The following TMPRSS5 variants were observed in gnomAD, a reference collection of about 807,000 sequenced individuals.
TMPRSS5 encodes the protein transmembrane protease serine 5.
TMPRSS5 carries 45 observed loss-of-function variants against 59.7 expected under a neutral mutation model. That is an observed-to-expected ratio of 0.75 (90% CI 0.59 to 0.97). The LOEUF (loss-of-function observed/expected upper bound fraction) is 0.97. TMPRSS5 is among the 50% of genes least tolerant of loss of function. The pLI is 0.00. For synonymous variants in TMPRSS5, 225 were observed against 232.0 expected, an observed-to-expected ratio of 0.97 and a Z score of 0.27; for missense variants, 585 against 596.7, an observed-to-expected ratio of 0.98 and a Z score of 0.20.
At chr11:113,692,440 CTG>C (rs761734611) in intron 9 of TMPRSS5, among the ~76,000 whole-genome samples, 1 of 152,124 alleles carries the variant, frequency 6.6e-6, no homozygotes, top group Admixed American at 6.5e-5. Context: ...GTGCACATGA[CTG>C]TGTGAGTGCA....
At chr11:113,701,488 GC>G (rs993988790) in intron 1 of TMPRSS5, among the ~76,000 whole-genome samples, 1 of 125,756 alleles carries the variant, frequency 8.0e-6, no homozygotes, top group African/African-American at 3.0e-5. Flanking sequence ...TTTTTTTTTG[GC>G]GGGGGGGGGT....
intron 6 of TMPRSS5, among the ~76,000 whole-genome samples, chr11:113,695,715 C>T (rs1278217212): frequency 3.3e-5 from 5 of 152,172 alleles, no homozygotes; most frequent in Admixed American, 2.6e-4. Flanking sequence ...TGCAGATCAA[C>T]TGGGACATAG....
intron 9 of TMPRSS5, among the ~76,000 whole-genome samples, chr11:113,691,589 T>C (rs930998665): frequency 2.6e-5 from 4 of 152,176 alleles, no homozygotes; most frequent in Non-Finnish European, 5.9e-5. Context: ...TTAGGATCTA[T>C]TTATTATAAG....
In TMPRSS5 at chr11:113,691,892, C is replaced by CTTTTTTTTTTTTTTT. The variant is rs58784708; in HGVS notation, c.965-954_965-953insAAAAAAAAAAAAAAA. 4.8e-4 allele frequency among the ~76,000 whole-genome samples: 58 copies of CTTTTTTTTTTTTTTT among 121,092 alleles called. 11 individuals are homozygous for CTTTTTTTTTTTTTTT. Among genetic ancestry groups the CTTTTTTTTTTTTTTT allele is most frequent in the African/African-American group, 1.0e-3 (28 of 27,488 alleles). The allele number at this position is 121,092 out of a possible 152,430, so 79.4% of individuals were successfully genotyped here. A position where few individuals can be genotyped will look rare whatever the true frequency, so the allele number is the denominator to read the frequency against. ...AGAAAGTTTTCTTTTCCTTTTTTTTCTTTTTTTTTTTTTGAGACGGAGTCT... is the reference window on the plus strand; with the variant it reads ...AGAAAGTTTTCTTTTCCTTTTTTTTCTTTTTTTTTTTTTTTTTTTTTTTTTTTTGAGACGGAGTCT... On this transcript the variant is annotated intron_variant, in intron 9 of 12. Transcript: ENST00000299882.
chr11:113,693,207 C>T lies in TMPRSS5; in HGVS notation c.828G>A (p.Gly276=), dbSNP rs1365297997. The T allele has an allele frequency of 1.3e-6, 2 of 1,591,936 alleles. No individual in the cohort carries two copies. Among genetic ancestry groups the T allele is most frequent in the Non-Finnish European group, 1.7e-6 (2 of 1,168,264 alleles). ...GCCTGACGGCACTGTGGCTGACCAGCCCCGCATGAACCCGCCAGCTGGACA... is the reference window on the plus strand; with the variant it reads ...GCCTGACGGCACTGTGGCTGACCAGTCCCGCATGAACCCGCCAGCTGGACA... ...ARLSSWRVHA[G]LVSHSAVRPH... is the part of the protein sequence containing the mutation. Residue 276 remains glycine (G), a synonymous_variant, in exon 9 of 13, where the codon GGG becomes GGA. Transcript: ENST00000299882.
chr11:113,695,986 C>T (rs551035968), intron 6 of TMPRSS5, among the ~76,000 whole-genome samples: 1 of 152,234 alleles, frequency 6.6e-6, no homozygotes, highest in Non-Finnish European at 1.5e-5. Flanking sequence ...TTTCTTTACT[C>T]ACCTCTTGCC....
At chr11:113,702,829 T>C (rs1953180780) in intron 1 of TMPRSS5, among the ~76,000 whole-genome samples, 1 of 152,210 alleles carries the variant, frequency 6.6e-6, no homozygotes, top group Non-Finnish European at 1.5e-5. Context: ...CTTGTGGTGT[T>C]GAGCCTGCGG....
At position 113,689,810 on chromosome 11, in the gene TMPRSS5, G is replaced by A. The variant is rs370590036; in HGVS notation, c.1314C>T (p.Tyr438=). The A allele has an allele frequency of 2.8e-4, 456 of 1,606,860 alleles. No individual in the cohort carries two copies. Among genetic ancestry groups the A allele is most frequent in the Admixed American group, 3.4e-4 (20 of 59,176 alleles). ...GCAEPNHPGV[Y]AKVAEFLDWI... Reference sequence around the variant, plus strand: ...AGTCCAGAAACTCAGCTACCTTGGCGTAGACACCTGGGTGATTGGGCTCTG... The same window carrying A: ...AGTCCAGAAACTCAGCTACCTTGGCATAGACACCTGGGTGATTGGGCTCTG... The change falls in exon 12 of 13, where the codon TAC becomes TAT. Residue 438 remains tyrosine (Y), a synonymous_variant. Coordinates refer to ENST00000299882, the MANE Select transcript of TMPRSS5 (RefSeq NM_030770.4).
intron 3 of TMPRSS5, among the ~76,000 whole-genome samples, 176 bp from the exon 4 acceptor site, chr11:113,699,203 GTCTGTCTGTCTCTCTCTCTCTC>G (rs1953020947): frequency 3.3e-4 from 12 of 36,422 alleles, no homozygotes; most frequent in African/African-American, 9.6e-4. Flanking sequence ...ACTCTCCTTT[GTCTGTCTGTCTCTCTCTCTCTC>G]TCTCTCTCTC....
At chr11:113,691,677 T>A (rs1334327635) in intron 9 of TMPRSS5, among the ~76,000 whole-genome samples, 1 of 151,882 alleles carries the variant, frequency 6.6e-6, no homozygotes, top group Admixed American at 6.6e-5. Context: ...TTACTATACC[T>A]ATTTTGTATA....
intron 4 of TMPRSS5, 107 bp from the exon 5 acceptor site, chr11:113,697,525 G>A (rs1952965171): frequency 7.4e-7 from 1 of 1,350,552 alleles, no homozygotes; most frequent in South Asian, 1.4e-5. Context: ...CTTAATGACA[G>A]CATCTGGATC....
chr11:113,703,485 G>C lies in TMPRSS5; in HGVS notation c.3+2737C>G, dbSNP rs534316009. ...GACTTGGACTTTTGGGTTAATGCTG[G>C]AACGAGTTAAGACTTTGGGGGACTG... On this transcript the variant is annotated intron_variant, in intron 1 of 12. Coordinates refer to ENST00000299882, the MANE Select transcript of TMPRSS5 (RefSeq NM_030770.4). 4.6e-5 allele frequency among the ~76,000 whole-genome samples: 7 copies of C among 152,300 alleles called. No homozygotes were observed. The South Asian group carries it at 1.4e-3, about 32-fold the overall frequency.
chr11:113,699,339 CTG>C lies in TMPRSS5; in HGVS notation c.205+254_205+255del, dbSNP rs1953053354. The stretch of plus-strand genomic sequence containing the variant: ...TCTCTCAGTATGTCTCTGTCTCTGT[CTG>C]TGTGTGTTCTCTCTGTGTCTCTCTC... On this transcript the variant is annotated intron_variant, in intron 3 of 12. Transcript: ENST00000299882. 4.7e-5 allele frequency among the ~76,000 whole-genome samples: 7 copies of C among 149,064 alleles called. 1 individual carries two copies. In the South Asian group the frequency reaches 1.1e-3, roughly 23 times the overall value.
Position 113,693,233 on chromosome 11 carries a change from G to T in TMPRSS5, c.802C>A (p.Leu268Met). ...HCMHSFRLAR[L>M]SSWRVHAGLV... ...CCCGCATGAACCCGCCAGCTGGACA[G>T]GCGGGCCAGCCTGAAACTGCACACA... The change falls in exon 9 of 13, where the codon CTG becomes ATG. Residue 268 changes from leucine (L) to methionine (M), a missense_variant. By Grantham distance (15) the Leu-to-Met change is conservative (BLOSUM62 2). Coordinates refer to ENST00000299882, the MANE Select transcript of TMPRSS5 (RefSeq NM_030770.4). 1 of 1,570,758 alleles carries T rather than the reference G, an allele frequency of 6.4e-7. No homozygotes were observed. The highest frequency in any genetic ancestry group is 8.6e-7 in the Non-Finnish European group (1 of 1,156,600).
chr11:113,693,121 T>G lies in TMPRSS5; in HGVS notation c.914A>C (p.His305Pro), dbSNP rs1208672273. ...CCTCAGGAGGGCGACGTCGTAGTCA[T>G]GATTCTGGGCACTGTAGAGGGGGTG... ...IPHPLYSAQN[H>P]DYDVALLRLQ... The change falls in exon 9 of 13, where the codon CAT becomes CCT. Residue 305 changes from histidine (H) to proline (P), a missense_variant. Coordinates refer to ENST00000299882, the MANE Select transcript of TMPRSS5 (RefSeq NM_030770.4). 1 of 1,593,262 alleles carries G rather than the reference T, an allele frequency of 6.3e-7. No homozygotes were observed. Among genetic ancestry groups the G allele is most frequent in the South Asian group, 1.1e-5 (1 of 87,476 alleles).
chr11:113,698,956 A>G lies in TMPRSS5; in HGVS notation c.277T>C (p.Cys93Arg). Residue 93 changes from cysteine to arginine, a missense_variant, in exon 4 of 13, where the codon TGC (cysteine) becomes CGC (arginine). Cys to Arg is a radical substitution (Grantham distance 180). Transcript: ENST00000299882. The part of the protein sequence containing the change: ...TLQDEEITLS[C>R]SEASAEEALL... ...GCTTCCTCAGCGCTGGCCTCTGAGC[A>G]GCTCAAAGTTATCTCCTCATCCTGC... The G allele has an allele frequency of 6.2e-7, 1 of 1,602,386 alleles. No homozygotes were observed. The highest frequency in any genetic ancestry group is 8.5e-7 in the Non-Finnish European group (1 of 1,174,576).
At chr11:113,698,036 G>A (rs978978399) in intron 4 of TMPRSS5, among the ~76,000 whole-genome samples, 1 of 152,182 alleles carries the variant, frequency 6.6e-6, no homozygotes, top group South Asian at 2.1e-4. Context: ...CTTATAAGAA[G>A]AGGAAGAGAC....
chr11:113,690,362 C>A lies in TMPRSS5; in HGVS notation c.1075G>T (p.Asp359Tyr). 1 of 1,605,510 alleles carries A rather than the reference C, an allele frequency of 6.2e-7. No homozygotes were observed. Among genetic ancestry groups the A allele is most frequent in the Non-Finnish European group, 8.5e-7 (1 of 1,177,066 alleles). The change falls in exon 11 of 13, where the codon GAT becomes TAT. Residue 359 changes from aspartate (D) to tyrosine (Y), a missense_variant. Physicochemically the swap from Asp to Tyr is radical, Grantham distance 160. Transcript: ENST00000299882. Reference sequence around the variant, plus strand: ...GGCACCACCGTGTCCTGGAGCATATCCGAGCTGTAAGCTATGAGAGACACC... The same window carrying A: ...GGCACCACCGTGTCCTGGAGCATATACGAGCTGTAAGCTATGAGAGACACC... ...HTHPSHTYSS[D>Y]MLQDTVVPLF...
chr11:113,700,858 G>A (rs558792916), intron 1 of TMPRSS5, among the ~76,000 whole-genome samples: 11 of 152,266 alleles, frequency 7.2e-5, no homozygotes, highest in East Asian at 3.9e-4. Context: ...CCATATGTTC[G>A]GGTAGGGACC....
Sources: allele counts gnomAD v4.1 joint callset (sites outside exome capture counted in the v4.1 genomes callset), GRCh38; gene constraint gnomAD v4.1.1; transcripts MANE v1.5; gene names NCBI Gene and HGNC (gene_info 2026-07-23, HGNC 2026-07-21).